STK3: variants seen among roughly 807,000 people sequenced by gnomAD.
The protein encoded by STK3 is serine/threonine kinase 3.
In STK3, 41 loss-of-function variants were observed where a neutral mutation model predicts 58.0. That is an observed-to-expected ratio of 0.71 (90% confidence interval 0.55 to 0.92). STK3 has a LOEUF of 0.92. STK3 is among the 40% of genes least tolerant of loss of function. The pLI, the probability that STK3 is intolerant of heterozygous loss-of-function variation, is 0.00. For synonymous variants in STK3, 170 were observed against 191.0 expected (o/e 0.89, Z 0.91); for missense variants, 479 against 602.7 (o/e 0.79, Z 2.15).
intron 1 of STK3, among the ~76,000 whole-genome samples, chr8:98,821,921 A>G (rs1834927140): frequency 6.6e-6 from 1 of 152,098 alleles, no homozygotes; most frequent in African/African-American, 2.4e-5. Flanking sequence ...GGAATCTCCA[A>G]CTCCCAGAGG....
At chr8:98,377,191 C>A (rs7000370) in intron 2 of STK3, among the ~76,000 whole-genome samples, 95,318 of 151,924 alleles carry the variant, frequency 0.63, 30,716 homozygotes, top group Non-Finnish European at 0.69. Flanking sequence ...CCTCCCAGCA[C>A]CTCTCATCCA....
At chr8:98,390,631 C>G (rs1817840038), upstream of STK3, among the ~76,000 whole-genome samples, 1 of 150,974 alleles carries the variant, frequency 6.6e-6, no homozygotes, top group South Asian at 2.1e-4. Context: ...TTGTTTTTTT[C>G]CAGCAATGCA....
chr8:98,711,425 A>G (rs1008736836), intron 4 of STK3, among the ~76,000 whole-genome samples: 2 of 152,230 alleles, frequency 1.3e-5, no homozygotes, highest in Non-Finnish European at 2.9e-5. Context: ...TAACCAATGC[A>G]GAGAAGTCCT....
At chr8:98,627,914 T>TAG (rs1818859740) in intron 6 of STK3, among the ~76,000 whole-genome samples, 1 of 152,232 alleles carries the variant, frequency 6.6e-6, no homozygotes, top group African/African-American at 2.4e-5. Context: ...GGGTATCTAA[T>TAG]TGTGCCAGCA....
At chr8:98,681,436 TA>T (rs751917304) in intron 6 of STK3, among the ~76,000 whole-genome samples, 1 of 150,502 alleles carries the variant, frequency 6.6e-6, no homozygotes, top group Non-Finnish European at 1.5e-5. Context: ...GCCAAAACTG[TA>T]AAAAAAAATA....
intron 4 of STK3, among the ~76,000 whole-genome samples, chr8:98,712,683 TG>T (rs999856742): frequency 6.6e-6 from 1 of 152,038 alleles, no homozygotes; most frequent in Non-Finnish European, 1.5e-5. Flanking sequence ...ACAATAATAA[TG>T]GGAGACTTTA....
In STK3 at chr8:98,526,888, GTCTTTGT is replaced by G. The variant is rs1325606558; in HGVS notation, c.1164_1170del (p.Gln389HisfsTer50). ...TTATCAAAGTAGTCCATGAAAGATG[GTCTTTGT>G]ACTTGTGGTGAGGTTGCATTTCCTT... On this transcript the variant is annotated frameshift_variant, in exon 10 of 11. Coordinates refer to ENST00000419617, the MANE Select transcript of STK3 (RefSeq NM_006281.4). LOFTEE classifies it high-confidence loss of function. The G allele has an allele frequency of 3.8e-6, 6 of 1,583,748 alleles. No homozygotes were observed. Among genetic ancestry groups the G allele is most frequent in the Non-Finnish European group, 5.2e-6 (6 of 1,162,906 alleles).
chr8:98,368,009 C>T (rs1031366638), downstream of STK3, among the ~76,000 whole-genome samples: 3 of 152,192 alleles, frequency 2.0e-5, no homozygotes, highest in African/African-American at 7.2e-5. Flanking sequence ...CTCACATCTG[C>T]GCTGTGTCAT....
At chr8:98,445,182 C>A (rs568334087) in intron 1 of STK3, among the ~76,000 whole-genome samples, 46 of 152,208 alleles carry the variant, frequency 3.0e-4, no homozygotes, top group African/African-American at 1.1e-3. Context: ...AATTTCATCA[C>A]CTCCCCCAAA....
chr8:98,576,871 G>T (rs780025896), intron 8 of STK3, among the ~76,000 whole-genome samples: 4 of 152,182 alleles, frequency 2.6e-5, no homozygotes, highest in Non-Finnish European at 2.9e-5. Flanking sequence ...GGAACCACCA[G>T]ACAGGTCAAA....
At chr8:98,763,499 A>G (rs1370252936) in intron 3 of STK3, among the ~76,000 whole-genome samples, 5 of 152,158 alleles carry the variant, frequency 3.3e-5, no homozygotes, top group African/African-American at 9.7e-5. Context: ...TCAGAAATGC[A>G]TATCTCATTT....
downstream of STK3, among the ~76,000 whole-genome samples, chr8:98,367,600 A>T (rs1817576373): frequency 6.6e-6 from 1 of 152,236 alleles, no homozygotes; most frequent in Admixed American, 6.5e-5. Flanking sequence ...ATCTCCAGGT[A>T]CCTGGGGCTG....
intron 1 of STK3, among the ~76,000 whole-genome samples, chr8:98,903,727 G>A (rs1379919623): frequency 6.6e-6 from 1 of 151,806 alleles, no homozygotes; most frequent in Non-Finnish European, 1.5e-5. Flanking sequence ...TTGACAGAAG[G>A]TATGGAAACT....
the STK3 span, among the ~76,000 whole-genome samples, chr8:98,364,687 C>G: frequency 6.6e-6 from 1 of 152,194 alleles, no homozygotes; most frequent in East Asian, 1.9e-4. Context: ...CAGATTCGTT[C>G]TCTGCCCTCC....
intron 3 of STK3, among the ~76,000 whole-genome samples, chr8:98,760,673 C>A (rs1342050730): frequency 6.6e-6 from 1 of 151,954 alleles, no homozygotes; most frequent in African/African-American, 2.4e-5. Context: ...CTATTTAACG[C>A]CTTCAATCCA....
rs191945162 is a variant in STK3 at position 98,751,470 on chromosome 8, C to T, written c.237-2080G>A. On this transcript the variant is annotated intron_variant, in intron 3 of 10. Transcript: ENST00000419617. ...TTCCTATATACCAACAACAGTCAAG[C>T]CGAGAGCCAAATCGGGAACTAACTC... is the stretch of plus-strand genomic sequence containing the variant. Among the ~76,000 whole-genome samples the T allele has an allele frequency of 2.4e-4, 36 of 152,240 alleles. 1 individual carries two copies. The highest frequency in any genetic ancestry group is 8.4e-4 in the African/African-American group (35 of 41,522).
intron 3 of STK3, among the ~76,000 whole-genome samples, chr8:98,847,499 G>A (rs181392633): frequency 2.6e-5 from 4 of 152,098 alleles, no homozygotes; most frequent in Admixed American, 6.6e-5. Flanking sequence ...GTGCCCATAC[G>A]CCTCGCTCTT....
chr8:98,431,379 T>A (rs988119968), intron 3 of STK3: 2 of 167,088 alleles, frequency 1.2e-5, no homozygotes, highest in South Asian at 2.1e-4. Flanking sequence ...AAAAGTGAGA[T>A]GACTTAGAGG....
intron 10 of STK3, among the ~76,000 whole-genome samples, chr8:98,500,468 T>C (rs1183805029): frequency 6.6e-6 from 1 of 152,168 alleles, no homozygotes; most frequent in East Asian, 1.9e-4. Context: ...TCCCATTAAC[T>C]TGTCATTTAC....
Sources: allele counts gnomAD v4.1 joint callset (sites outside exome capture counted in the v4.1 genomes callset), GRCh38; gene constraint gnomAD v4.1.1; transcripts MANE v1.5; gene names NCBI Gene and HGNC (gene_info 2026-07-23, HGNC 2026-07-21).